KAT6A: variants seen among roughly 807,000 people sequenced by gnomAD.
KAT6A encodes the protein lysine acetyltransferase 6A, also known as histone acetyltransferase KAT6A.
Under a neutral mutation model 198.4 loss-of-function variants are expected in KAT6A, and 9 were observed. That is an observed-to-expected ratio of 0.05 (90% CI 0.03 to 0.08). KAT6A has a LOEUF of 0.08. Ranked by LOEUF, KAT6A falls within the 10% of genes least tolerant of loss-of-function variation. The pLI is 1.00. For missense variants in KAT6A, 2,077 were observed against 2,509.9 expected (o/e 0.83, Z 3.69); for synonymous variants, 890 against 883.0 (o/e 1.01, Z -0.14).
chr8:41,982,931 A>T (rs955455464), intron 3 of KAT6A, among the ~76,000 whole-genome samples: 1 of 152,194 alleles, frequency 6.6e-6, no homozygotes, highest in Non-Finnish European at 1.5e-5. Context: ...CAAGGTTTCA[A>T]GCATCCACTG....
At chr8:41,959,403 G>A (rs1823083667) in intron 8 of KAT6A, among the ~76,000 whole-genome samples, 1 of 152,154 alleles carries the variant, frequency 6.6e-6, no homozygotes, top group Admixed American at 6.5e-5. Context: ...TCCCATTGCT[G>A]GCGGGAATAC....
At chr8:42,036,918 A>G (rs1827406405) in intron 2 of KAT6A, among the ~76,000 whole-genome samples, 1 of 152,152 alleles carries the variant, frequency 6.6e-6, no homozygotes, top group Non-Finnish European at 1.5e-5. Flanking sequence ...TGTGTTCATG[A>G]GGGTGTGTGT....
rs770584269 is a variant in KAT6A at position 41,941,318 on chromosome 8, T to C, written c.2563A>G (p.Ser855Gly). 1.2e-6 allele frequency: 2 copies of C among 1,613,896 alleles called. No homozygotes were observed. The highest frequency in any genetic ancestry group is 2.2e-5 in the East Asian group (1 of 44,878). Residue 855 changes from serine (S) to glycine (G), a missense_variant, in exon 15 of 17, where the codon AGT (serine) becomes GGT (glycine). This residue lies in a region of KAT6A where 301 missense variants were observed against 272.2 expected (regional missense o/e 1.11). Transcript: ENST00000265713. The stretch of plus-strand genomic sequence containing the variant: ...GATGGCTGGCTATTTGCAGGAAGAC[T>C]ATCATGAGGAAGGACTTGTTTGCTC... The part of the protein sequence containing the change: ...RLSKQVLPHD[S>G]LPANSQPSRR...
rs1768325404 is a variant in KAT6A at position 41,931,139 on chromosome 8, A to C, written c.*1066T>G. ...TCACTAAAATGTACAGTCATCCACCAACAATTTAAGAAAGAACCTAAGAGG... is the reference window on the plus strand; with the variant it reads ...TCACTAAAATGTACAGTCATCCACCCACAATTTAAGAAAGAACCTAAGAGG... On this transcript the variant is annotated 3_prime_UTR_variant, in exon 17 of 17. Coordinates refer to ENST00000265713, the MANE Select transcript of KAT6A (RefSeq NM_006766.5). The C allele has an allele frequency of 1.3e-5, 3 of 222,476 alleles. No homozygotes were observed. Among genetic ancestry groups the C allele is most frequent in the Non-Finnish European group, 2.7e-5 (3 of 111,070 alleles). The allele number at this position is 222,476 out of a possible 1,614,324, so 13.8% of individuals were successfully genotyped here.
intron 16 of KAT6A, among the ~76,000 whole-genome samples, chr8:41,935,249 T>C (rs1428658858): frequency 2.0e-5 from 3 of 152,234 alleles, no homozygotes; most frequent in African/African-American, 4.8e-5. Context: ...TTTTATCAAG[T>C]TGTCTCTACT....
At chr8:42,016,013 CA>C in intron 2 of KAT6A, among the ~76,000 whole-genome samples, 1 of 152,176 alleles carries the variant, frequency 6.6e-6, no homozygotes, top group East Asian at 1.9e-4. Flanking sequence ...ATTAAATAAC[CA>C]AAAGGCAAGG....
At chr8:41,940,794 G>A (rs1330325994) in intron 15 of KAT6A, 48 bp downstream of exon 15, 4 of 1,566,220 alleles carry the variant, frequency 2.6e-6, no homozygotes, top group East Asian at 2.2e-5. Context: ...GAAGGTGTAA[G>A]ATAAACTGGA....
At chr8:41,964,627 GAAAAAAAA>G (rs61710510) in intron 8 of KAT6A, among the ~76,000 whole-genome samples, 5 of 130,922 alleles carry the variant, frequency 3.8e-5, no homozygotes, top group African/African-American at 1.4e-4. Flanking sequence ...TCCAAAATCT[GAAAAAAAA>G]AAAAAAAAAA....
intron 6 of KAT6A, 30 bp downstream of exon 6, chr8:41,978,612 T>C (rs1041820771): frequency 6.2e-7 from 1 of 1,609,206 alleles, no homozygotes; most frequent in Non-Finnish European, 8.5e-7. Context: ...TATCCTTTTC[T>C]CCCCTCACCT....
chr8:42,021,426 A>G (rs887910620), intron 2 of KAT6A, among the ~76,000 whole-genome samples: 14 of 152,320 alleles, frequency 9.2e-5, no homozygotes, highest in Admixed American at 1.3e-4. Flanking sequence ...GCTAAACACA[A>G]TCTTTAAAAA....
intron 2 of KAT6A, among the ~76,000 whole-genome samples, chr8:42,044,639 G>A (rs1413420263): frequency 1.3e-5 from 2 of 152,044 alleles, no homozygotes; most frequent in Non-Finnish European, 2.9e-5. Flanking sequence ...AAAGTAAAGA[G>A]GAACTTGCTC....
At position 41,974,695 on chromosome 8, in the gene KAT6A, C is replaced by T; in HGVS notation, c.1482+9G>A. 1 of 1,542,438 alleles carries T rather than the reference C, an allele frequency of 6.5e-7. No individual in the cohort carries two copies. On this transcript the variant is annotated intron_variant, in intron 8 of 16. Transcript: ENST00000265713. ...TGCTTGATTGTCTAACCTGAATATC[C>T]AACTTTACCTGCAGTGCTTGTTCTT...
chr8:41,935,067 C>T (rs1284137754), intron 16 of KAT6A, among the ~76,000 whole-genome samples, 200 bp from the exon 17 acceptor site: 2 of 152,130 alleles, frequency 1.3e-5, no homozygotes, highest in East Asian at 3.9e-4. Context: ...AGTGAATTGG[C>T]AGAACTATGA....
intron 2 of KAT6A, among the ~76,000 whole-genome samples, chr8:42,047,200 C>CTA (rs973234314): frequency 1.3e-5 from 2 of 152,176 alleles, no homozygotes; most frequent in Non-Finnish European, 2.9e-5. Context: ...CTCCAAGGAA[C>CTA]TATAATTCAG....
chr8:41,995,916 T>G (rs996958123), intron 2 of KAT6A, among the ~76,000 whole-genome samples: 1 of 152,108 alleles, frequency 6.6e-6, no homozygotes, highest in Non-Finnish European at 1.5e-5. Context: ...CCACAGGTGA[T>G]TCACCCACCT....
chr8:41,977,213 C>T lies in KAT6A; in HGVS notation c.1158G>A (p.Arg386=). 1 of 1,614,178 alleles carries T rather than the reference C, an allele frequency of 6.2e-7. No individual in the cohort carries two copies. Residue 386 remains arginine, a synonymous_variant, in exon 7 of 17, where the codon CGG becomes CGA. Coordinates refer to ENST00000265713, the MANE Select transcript of KAT6A (RefSeq NM_006766.5). ...CTCTGCAGAAGTCCAAGCCATCTAT[C>T]CGCTCTAAATATCCTTCTTCTGATG... ...SSSSEEGYLE[R]IDGLDFCRDS...
In KAT6A at chr8:41,934,390, G is replaced by T; in HGVS notation, c.3830C>A (p.Pro1277His). 6.2e-7 allele frequency: 1 copy of T among 1,613,464 alleles called. No homozygotes were observed. Among genetic ancestry groups the T allele is most frequent in the Non-Finnish European group, 8.5e-7 (1 of 1,179,766 alleles). The change falls in exon 17 of 17, where the codon CCC becomes CAC. Residue 1277 changes from proline to histidine, a missense_variant. Physicochemically the swap from Pro to His is moderately conservative, Grantham distance 77. This residue lies in a region of KAT6A where 375 missense variants were observed against 383.0 expected (regional missense o/e 0.98). Coordinates refer to ENST00000265713, the MANE Select transcript of KAT6A (RefSeq NM_006766.5). ...CTGCCTCTGCTCCTCTGAGACACGG[G>T]GCTTCTCTTCTTCCTCCTCCACCTC... ...EPEVEEEEEKPRVSEEQRQSE... is the reference protein window; with the variant it reads ...EPEVEEEEEKHRVSEEQRQSE...
At chr8:41,960,158 G>A (rs1823128320) in intron 8 of KAT6A, among the ~76,000 whole-genome samples, 1 of 151,806 alleles carries the variant, frequency 6.6e-6, no homozygotes, top group Non-Finnish European at 1.5e-5. Context: ...TAGGGGTGGG[G>A]GGTTGGGAGT....
intron 2 of KAT6A, among the ~76,000 whole-genome samples, chr8:42,004,668 G>A (rs1219064116): frequency 1.3e-5 from 2 of 152,192 alleles, no homozygotes; most frequent in African/African-American, 4.8e-5. Flanking sequence ...ACTCACACCT[G>A]TAATCCCAGC....
Sources: gnomAD v4.1 joint callset for allele counts (sites outside exome capture counted in the v4.1 genomes callset) on GRCh38, gnomAD v4.1.1 for gene constraint, gnomAD v4.1.1 regional missense constraint, MANE v1.5 for transcripts, NCBI Gene and HGNC (gene_info 2026-07-23, HGNC 2026-07-21) for gene names.